CR2: variants seen among roughly 807,000 people sequenced by gnomAD.
The protein encoded by CR2 is complement receptor type 2.
In CR2, 96 loss-of-function variants were observed where a neutral mutation model predicts 123.0. The ratio of observed to expected loss-of-function variants is 0.78; its 90% CI spans 0.66 to 0.93. The LOEUF (loss-of-function observed/expected upper bound fraction) is 0.93, where lower values mean the gene tolerates loss of function less well. CR2 is among the 40% of genes least tolerant of loss of function. CR2 has a pLI of 0.00. For missense variants in CR2, 1,258 were observed against 1,361.0 expected (o/e 0.92, Z 1.19); for synonymous variants, 484 against 469.5 (o/e 1.03, Z -0.40).
Position 207,475,006 on chromosome 1 carries a change from C to G in CR2, c.2506C>G (p.Pro836Ala). 4.3e-6 allele frequency: 7 copies of G among 1,614,082 alleles called. No individual in the cohort carries two copies. Among genetic ancestry groups the G allele is most frequent in the Non-Finnish European group, 5.9e-6 (7 of 1,179,990 alleles). ...KGHGSWSGPSPQCLRSPPVTR... is the reference protein window; with the variant it reads ...KGHGSWSGPSAQCLRSPPVTR... ...ACATGGATCTTGGAGCGGGCCTTCC[C>G]CACAGTGCTTACGATCTCCTCCTGT... The change falls in exon 14 of 20, where the codon CCA becomes GCA. Residue 836 changes from proline to alanine, a missense_variant. Transcript: ENST00000367057.
intron 1 of CR2, among the ~76,000 whole-genome samples, chr1:207,465,819 C>T (rs184724157): frequency 6.6e-6 from 1 of 152,344 alleles, no homozygotes; most frequent in African/African-American, 2.4e-5. Context: ...GGCCATTATT[C>T]AAAACCTCTG....
chr1:207,457,259 A>G (rs1439474033), intron 1 of CR2, among the ~76,000 whole-genome samples: 1 of 152,216 alleles, frequency 6.6e-6, no homozygotes, highest in African/African-American at 2.4e-5. Flanking sequence ...GTTTCCTCCT[A>G]TAACAATGAA....
Position 207,473,536 on chromosome 1 carries a change from T to C in CR2, c.1979-9T>C, listed in dbSNP as rs770704167. The C allele has an allele frequency of 3.1e-6, 5 of 1,612,866 alleles. No homozygotes were observed. On this transcript the variant is annotated splice_polypyrimidine_tract_variant and intron_variant, in intron 10 of 19. Transcript: ENST00000367057. ...TGTTGGTATTTATGTAGGGAGTTTT[T>C]CTCTTCAGGCTGCCAGTCACCTCCT...
chr1:207,471,158 T>A (rs1658266249), intron 8 of CR2, 71 bp downstream of exon 8: 1 of 1,439,192 alleles, frequency 6.9e-7, no homozygotes, highest in South Asian at 1.1e-5. Context: ...TATGTAAGAG[T>A]TTGTATCAGT....
chr1:207,467,031 G>A, intron 2 of CR2, 119 bp downstream of exon 2: 1 of 1,223,316 alleles, frequency 8.2e-7, no homozygotes, highest in Non-Finnish European at 1.1e-6. Flanking sequence ...GGTGGAAGAA[G>A]GAAACAAGGG....
rs776118230 is a variant in CR2 at position 207,468,941 on chromosome 1, T to C, written c.734+42T>C. On this transcript the variant is annotated intron_variant, in intron 4 of 19. Transcript: ENST00000367057. ...TTTATGAGATTTAATTCATTTGTCT[T>C]GTGTGTGCGTGGTGTGGACTGTGAA... 6 of 1,595,072 alleles carry C rather than the reference T, an allele frequency of 3.8e-6. No homozygotes were observed. The Admixed American group carries it at 8.4e-5, about 22-fold the overall frequency.
chr1:207,487,252 C>T (rs1326353727), intron 19 of CR2, among the ~76,000 whole-genome samples: 1 of 152,150 alleles, frequency 6.6e-6, no homozygotes, highest in Non-Finnish European at 1.5e-5. Flanking sequence ...AAAATGAGCC[C>T]TGAAAACTGA....
In CR2 at chr1:207,483,981, G is replaced by A. The variant is rs538129809; in HGVS notation, c.3189-1483G>A. Among the ~76,000 whole-genome samples the A allele has an allele frequency of 5.3e-5, 8 of 152,298 alleles. No individual in the cohort carries two copies. The South Asian group carries it at 1.7e-3, about 32-fold the overall frequency. ...GCAGGGGGAAAACTAGCAGAGAGTAGCGTCACAGAATTCAAGGAGAAAAGG... is the reference window on the plus strand; with the variant it reads ...GCAGGGGGAAAACTAGCAGAGAGTAACGTCACAGAATTCAAGGAGAAAAGG... On this transcript the variant is annotated intron_variant, in intron 18 of 19. Coordinates refer to ENST00000367057, the MANE Select transcript of CR2 (RefSeq NM_001006658.3).
chr1:207,477,805 T>C, intron 15 of CR2, 80 bp from the exon 16 acceptor site: 1 of 1,319,084 alleles, frequency 7.6e-7, no homozygotes, highest in Non-Finnish European at 1.1e-6. Flanking sequence ...TTTATAAATC[T>C]TTCTATTAAG....
In CR2 at chr1:207,489,644, C is replaced by T. The variant is rs1014894940; in HGVS notation, c.*521C>T. 3 of 151,958 alleles carry T rather than the reference C, an allele frequency of 2.0e-5. No homozygotes were observed. Among genetic ancestry groups the T allele is most frequent in the Non-Finnish European group, 4.4e-5 (3 of 67,984 alleles). 9.4% of individuals were successfully genotyped at this position (151,958 alleles called of 1,614,324 possible). On this transcript the variant is annotated 3_prime_UTR_variant, in exon 20 of 20. Transcript: ENST00000367057. ...GTGGTGTTAATCATTTCATTTTTAC[C>T]CTTACTTGGTTTGAGTTTCTCTCAC...
chr1:207,462,361 A>G (rs1461173744), intron 1 of CR2, among the ~76,000 whole-genome samples: 1 of 152,230 alleles, frequency 6.6e-6, no homozygotes, highest in African/African-American at 2.4e-5. Flanking sequence ...AGGAAACAGC[A>G]TTTGCAAAAG....
At chr1:207,462,809 A>G (rs2102297976) in intron 1 of CR2, among the ~76,000 whole-genome samples, 1 of 152,316 alleles carries the variant, frequency 6.6e-6, no homozygotes, top group South Asian at 2.1e-4. Flanking sequence ...GAGATTTTTA[A>G]GGCAGAAGAC....
chr1:207,473,858 A>G lies in CR2; in HGVS notation c.2213A>G (p.Glu738Gly). The G allele has an allele frequency of 6.2e-7, 1 of 1,613,924 alleles. No homozygotes were observed. ...LQELPAGSRV[E>G]LVNTSCQDGY... ...GAACTTCCAGCTGGTTCACGTGTGG[A>G]GCTAGTTAATACGTCCTGCCAAGAT... is the stretch of plus-strand genomic sequence containing the variant. Residue 738 changes from glutamate to glycine, a missense_variant, in exon 12 of 20, where the codon GAG becomes GGG. Glu to Gly is a moderately conservative substitution (Grantham distance 98, BLOSUM62 -2). Transcript: ENST00000367057.
chr1:207,462,353 G>A (rs1657988155), intron 1 of CR2, among the ~76,000 whole-genome samples: 1 of 152,162 alleles, frequency 6.6e-6, no homozygotes, highest in Admixed American at 6.5e-5. Flanking sequence ...CTGAGCAGAG[G>A]AAACAGCATT....
chr1:207,484,884 C>T (rs1448795581), intron 18 of CR2, among the ~76,000 whole-genome samples: 2 of 152,170 alleles, frequency 1.3e-5, no homozygotes, highest in African/African-American at 4.8e-5. Context: ...AAAATAAGAA[C>T]TTATTTTTGC....
Position 207,454,400 on chromosome 1 carries a change from C to CG in CR2, c.-14dup. 2 of 1,571,208 alleles carry CG rather than the reference C, an allele frequency of 1.3e-6. No homozygotes were observed. The highest frequency in any genetic ancestry group is 1.7e-4 in the Middle Eastern group (1 of 5,928). On this transcript the variant is annotated 5_prime_UTR_variant, in exon 1 of 20. Transcript: ENST00000367057. The surrounding 1 kb of genome is among the most constrained non-coding windows in gnomAD (Gnocchi z 4.3). ...GCGGGTCTCGGAACGCATCCCGCCG[C>CG]GGGGGCTTCGGCCGTGGCATGGGCG...
chr1:207,466,773 T>G lies in CR2; in HGVS notation c.306T>G (p.Ile102Met), dbSNP rs755202444. 4.3e-6 allele frequency: 7 copies of G among 1,613,826 alleles called. No individual in the cohort carries two copies. In the South Asian group the frequency reaches 6.6e-5, roughly 15 times the overall value. The change falls in exon 2 of 20, where the codon ATT becomes ATG. Residue 102 changes from isoleucine to methionine, a missense_variant. By Grantham distance (10) the Ile-to-Met change is conservative. Transcript: ENST00000367057. ...CCATAGTACCAGGAGGATACAAAAT[T>G]AGAGGCTCTACACCCTACAGACATG... The part of the protein sequence containing the change: ...PEPIVPGGYK[I>M]RGSTPYRHGD...
intron 9 of CR2, 43 bp downstream of exon 9, chr1:207,471,542 C>A: frequency 7.5e-7 from 1 of 1,341,138 alleles, no homozygotes; most frequent in Non-Finnish European, 1.1e-6. Flanking sequence ...AATGTGAGAT[C>A]TATACATTTC....
chr1:207,488,810 G>C (rs1240565684), intron 19 of CR2, among the ~76,000 whole-genome samples: 1 of 152,164 alleles, frequency 6.6e-6, no homozygotes, highest in Non-Finnish European at 1.5e-5. Context: ...GACCATACTA[G>C]TGACCTCTAA....
Sources: allele counts gnomAD v4.1 joint callset (sites outside exome capture counted in the v4.1 genomes callset), GRCh38; gene constraint gnomAD v4.1.1; non-coding constraint Gnocchi (gnomAD v3.1); transcripts MANE v1.5; gene names NCBI Gene and HGNC (gene_info 2026-07-23, HGNC 2026-07-21).